The following WWOX variants were observed in gnomAD, a reference collection of about 807,000 sequenced individuals.
WWOX encodes WW domain containing oxidoreductase.
In WWOX, 69 loss-of-function variants were observed where a neutral mutation model predicts 46.2. The observed-to-expected ratio is 1.49, with a 90% CI of 1.23 to 1.82. The LOEUF is 1.82. WWOX is among the 40% of genes most tolerant of loss of function. The pLI, the probability that WWOX is intolerant of heterozygous loss-of-function variation, is 0.00. For synonymous variants in WWOX, 359 were observed against 202.6 expected, an observed-to-expected ratio of 1.77 and a Z score of -6.56; for missense variants, 919 against 542.6, an observed-to-expected ratio of 1.69 and a Z score of -6.89.
intron 5 of WWOX, among the ~76,000 whole-genome samples, chr16:78,366,154 G>A (rs746414717): frequency 6.6e-6 from 1 of 152,166 alleles, no homozygotes; most frequent in Non-Finnish European, 1.5e-5. Flanking sequence ...ACCATTTTTG[G>A]TAAATTCCTA....
intron 8 of WWOX, among the ~76,000 whole-genome samples, chr16:78,835,284 G>T (rs2051947844): frequency 6.6e-6 from 1 of 152,144 alleles, no homozygotes; most frequent in Admixed American, 6.6e-5. Context: ...ATTTTAGTCT[G>T]TAGCTTTTAT....
At chr16:78,251,834 G>C (rs1214896521) in intron 5 of WWOX, among the ~76,000 whole-genome samples, 1 of 152,198 alleles carries the variant, frequency 6.6e-6, no homozygotes, top group Non-Finnish European at 1.5e-5. Context: ...TAGTCAAGAA[G>C]TTGGAAATTA....
chr16:78,194,147 G>C (rs1347300936), intron 5 of WWOX, among the ~76,000 whole-genome samples: 1 of 151,846 alleles, frequency 6.6e-6, no homozygotes, highest in Non-Finnish European at 1.5e-5. Flanking sequence ...CAAAGTGCTG[G>C]GATTACAGGC....
At chr16:78,988,857 C>T (rs1034905276) in intron 8 of WWOX, among the ~76,000 whole-genome samples, 9 of 152,144 alleles carry the variant, frequency 5.9e-5, no homozygotes, top group African/African-American at 2.2e-4. Flanking sequence ...TTGCTGCGAG[C>T]CCCAATCGAT....
At chr16:78,351,311 C>G (rs999830069) in intron 5 of WWOX, among the ~76,000 whole-genome samples, 1 of 152,142 alleles carries the variant, frequency 6.6e-6, no homozygotes, top group African/African-American at 2.4e-5. Context: ...TTTTGTGCTA[C>G]AAGAGTTTCA....
At chr16:78,830,781 C>A (rs1025428412) in intron 8 of WWOX, among the ~76,000 whole-genome samples, 2 of 151,808 alleles carry the variant, frequency 1.3e-5, no homozygotes, top group Non-Finnish European at 2.9e-5. Flanking sequence ...TCAGGGCCCC[C>A]TGGGAGTCAG....
intron 8 of WWOX, among the ~76,000 whole-genome samples, chr16:78,985,452 A>G (rs1343424505): frequency 6.6e-6 from 1 of 152,162 alleles, no homozygotes; most frequent in Non-Finnish European, 1.5e-5. Flanking sequence ...TCTCCCTGTC[A>G]CTAGTGGAAG....
intron 8 of WWOX, among the ~76,000 whole-genome samples, chr16:78,990,562 C>A (rs1444235575): frequency 6.6e-6 from 1 of 152,132 alleles, no homozygotes; most frequent in Non-Finnish European, 1.5e-5. Flanking sequence ...ACCGGGGAGC[C>A]CCCAAAGCCC....
intron 8 of WWOX, among the ~76,000 whole-genome samples, chr16:78,804,821 C>A (rs984209765): frequency 2.0e-5 from 3 of 152,176 alleles, no homozygotes; most frequent in Admixed American, 2.0e-4. Context: ...AAAAAAAATC[C>A]TGTTTATACC....
intron 5 of WWOX, among the ~76,000 whole-genome samples, chr16:78,291,981 G>A (rs1287234472): frequency 1.3e-5 from 2 of 151,770 alleles, no homozygotes; most frequent in African/African-American, 4.8e-5. Context: ...ACCATAAGAT[G>A]GTACCTTTCC....
At chr16:78,786,874 G>A (rs758438113) in intron 8 of WWOX, among the ~76,000 whole-genome samples, 2 of 152,228 alleles carry the variant, frequency 1.3e-5, no homozygotes, top group African/African-American at 2.4e-5. Context: ...GGGGCTGGGC[G>A]TGGTGACTCA....
At chr16:78,605,645 A>G (rs891607506) in intron 8 of WWOX, among the ~76,000 whole-genome samples, 3 of 152,224 alleles carry the variant, frequency 2.0e-5, no homozygotes, top group African/African-American at 4.8e-5. Context: ...TTAGAAACTC[A>G]GCTATCCAGA....
intron 8 of WWOX, among the ~76,000 whole-genome samples, chr16:78,682,958 T>A (rs781003021): frequency 1.3e-5 from 2 of 152,132 alleles, no homozygotes; most frequent in African/African-American, 4.8e-5. Context: ...CCCGCGTAAA[T>A]GAATGATTCT....
chr16:78,823,622 C>T (rs973183310), intron 8 of WWOX, among the ~76,000 whole-genome samples: 5 of 152,126 alleles, frequency 3.3e-5, no homozygotes, highest in Admixed American at 6.6e-5. Context: ...AAAACAGACC[C>T]AGTCACTGGT....
At chr16:78,385,962 A>G (rs1597142439) in intron 5 of WWOX, among the ~76,000 whole-genome samples, 1 of 152,180 alleles carries the variant, frequency 6.6e-6, no homozygotes, top group South Asian at 2.1e-4. Flanking sequence ...GGGAGGGGCA[A>G]CCCGGAGATT....
chr16:78,461,294 C>T (rs560907130), intron 8 of WWOX, among the ~76,000 whole-genome samples: 6 of 152,210 alleles, frequency 3.9e-5, no homozygotes, highest in South Asian at 4.1e-4. Context: ...TCTGAGTCAT[C>T]GTCTGCTGCT....
intron 8 of WWOX, among the ~76,000 whole-genome samples, chr16:78,900,388 A>G (rs1274463198): frequency 1.3e-5 from 2 of 152,156 alleles, no homozygotes; most frequent in Admixed American, 6.5e-5. Flanking sequence ...TGTGCATGTA[A>G]TTTGCTGGGC....
At chr16:79,150,246 C>A (rs552670023) in intron 8 of WWOX, among the ~76,000 whole-genome samples, 1 of 152,218 alleles carries the variant, frequency 6.6e-6, no homozygotes, top group Non-Finnish European at 1.5e-5. Flanking sequence ...AAGAGCAGCA[C>A]TGAACTTTGT....
intron 6 of WWOX, among the ~76,000 whole-genome samples, chr16:78,414,374 G>C (rs1198878675): frequency 2.0e-5 from 3 of 152,128 alleles, no homozygotes; most frequent in South Asian, 2.1e-4. Context: ...TTCAAGACCA[G>C]CCTGGCCAAC....
Sources: allele counts gnomAD v4.1 joint callset (sites outside exome capture counted in the v4.1 genomes callset), GRCh38; gene constraint gnomAD v4.1.1; transcripts MANE v1.5; gene names NCBI Gene and HGNC (gene_info 2026-07-23, HGNC 2026-07-21).